The following ADGRG2 variants were observed in gnomAD, a reference collection of about 807,000 sequenced individuals.
The protein encoded by ADGRG2 is adhesion G protein-coupled receptor G2.
Under a neutral mutation model 74.1 loss-of-function variants are expected in ADGRG2, and 26 were observed. That is an observed-to-expected ratio of 0.35 (90% confidence interval 0.26 to 0.49). ADGRG2 has a LOEUF of 0.49. ADGRG2 is among the 20% of genes least tolerant of loss of function. The probability of loss-of-function intolerance (pLI) is 0.99; values close to 1 mark genes in which losing one functional copy is unlikely to be tolerated. For synonymous variants in ADGRG2, 296 were observed against 295.2 expected (o/e 1.00, Z -0.03); for missense variants, 619 against 763.1 (o/e 0.81, Z 2.22).
chrX:19,041,670 G>T (rs190089964), intron 3 of ADGRG2, among the ~76,000 whole-genome samples: 1 of 111,845 alleles, frequency 8.9e-6, no homozygotes, highest in East Asian at 2.8e-4. Flanking sequence ...TAACCCTGCA[G>T]CCAACAAGGC....
rs778761742 is a variant in ADGRG2, at chrX:19,059,340, A to G, written c.118+9377T>C. On this transcript the variant is annotated intron_variant, in intron 3 of 28. Transcript: ENST00000379869. Reference sequence around the variant, plus strand: ...ATTTGGAAATTACCCAAACTGTCCAAGCCAAAAATAAGCACTTTCTGGATC... The same window carrying G: ...ATTTGGAAATTACCCAAACTGTCCAGGCCAAAAATAAGCACTTTCTGGATC... 2.7e-5 allele frequency among the ~76,000 whole-genome samples: 3 copies of G among 112,274 alleles called. No individual in the cohort carries two copies. The South Asian group carries it at 1.1e-3, about 42-fold the overall frequency.
rs771792353 is a variant in ADGRG2 at position 19,068,775 on chromosome X, C to A, written c.60G>T (p.Thr20=). Residue 20 remains threonine (T), a synonymous_variant, in exon 3 of 29, where the codon ACG becomes ACT. Transcript: ENST00000379869. ...HVGRTEEVLL[T]FKIFLVIICL... ...AAATGATGACAAGGAATATCTTGAACGTCAGTAAAACTTCTTCAGTTCTGC... is the reference window on the plus strand; with the variant it reads ...AAATGATGACAAGGAATATCTTGAAAGTCAGTAAAACTTCTTCAGTTCTGC... The A allele has an allele frequency of 5.1e-6, 6 of 1,171,263 alleles. No individual in the cohort carries two copies. The African/African-American group carries it at 8.8e-5, about 17-fold the overall frequency.
chrX:19,019,746 A>G, intron 14 of ADGRG2, 81 bp from the exon 15 acceptor site: 1 of 540,592 alleles, frequency 1.8e-6, no homozygotes, highest in East Asian at 3.3e-5. Context: ...ACCATTAAGT[A>G]TCACGGTTCC....
At chrX:19,086,860 G>A (rs988594835) in intron 1 of ADGRG2, among the ~76,000 whole-genome samples, 8 of 111,506 alleles carry the variant, frequency 7.2e-5, no homozygotes, top group African/African-American at 1.3e-4. Flanking sequence ...AGACTGGCTC[G>A]AAGTTCCTGG....
chrX:19,004,780 G>A lies in ADGRG2; in HGVS notation c.1939C>T (p.Leu647Phe). Residue 647 changes from leucine to phenylalanine, a missense_variant, in exon 23 of 29, where the codon CTT (leucine) becomes TTT (phenylalanine). Transcript: ENST00000379869. ...CACTCAAAAGCTATGTAGGTTACAA[G>A]AGTCACTGACAGAAAAATTGATGAA... ...GLSSIFLSVT[L>F]VTYIAFEKIR... is the part of the protein sequence containing the mutation. 1 of 1,209,468 alleles carries A rather than the reference G, an allele frequency of 8.3e-7. No individual in the cohort carries two copies. The highest frequency in any genetic ancestry group is 2.2e-5 in the Admixed American group (1 of 45,936).
At chrX:19,033,426 C>A in intron 8 of ADGRG2, 187 bp downstream of exon 8, 1 of 342,470 alleles carries the variant, frequency 2.9e-6, no homozygotes, top group Non-Finnish European at 5.2e-6. Context: ...TGTGTCTGAT[C>A]ATTATTATAT....
intron 28 of ADGRG2, among the ~76,000 whole-genome samples, chrX:18,993,033 A>G (rs1247820777): frequency 8.9e-6 from 1 of 112,432 alleles, no homozygotes; most frequent in African/African-American, 3.2e-5. Flanking sequence ...CTGTTTACCT[A>G]CATTGAATCA....
intron 14 of ADGRG2, among the ~76,000 whole-genome samples, chrX:19,019,992 A>AT (rs2060555549): frequency 9.0e-6 from 1 of 111,728 alleles, no homozygotes; most frequent in Non-Finnish European, 1.9e-5. Context: ...AGAAAGACAA[A>AT]TACCGCATGA....
At chrX:19,000,996 A>T (rs911144073) in intron 24 of ADGRG2, among the ~76,000 whole-genome samples, 1 of 110,796 alleles carries the variant, frequency 9.0e-6, no homozygotes, top group Non-Finnish European at 1.9e-5. Context: ...CGGCCTCCCA[A>T]AGTGCTGGGA....
At chrX:19,109,473 A>G (rs1250797758) in intron 1 of ADGRG2, among the ~76,000 whole-genome samples, 7 of 111,595 alleles carry the variant, frequency 6.3e-5, no homozygotes, top group Non-Finnish European at 9.4e-5. Context: ...TTCAGTATAC[A>G]TCTTCCCAAT....
chrX:19,025,209 G>T (rs1223324318), intron 11 of ADGRG2, among the ~76,000 whole-genome samples: 1 of 111,412 alleles, frequency 9.0e-6, no homozygotes, highest in Non-Finnish European at 1.9e-5. Context: ...CAGTGCAGGG[G>T]TTGCACTGTA....
intron 13 of ADGRG2, among the ~76,000 whole-genome samples, chrX:19,022,508 T>C (rs1312187641): frequency 9.0e-6 from 1 of 111,174 alleles, no homozygotes. Context: ...TTCTAGGACT[T>C]TGACTGTCAC....
chrX:19,041,128 A>C (rs1424892670), intron 3 of ADGRG2, among the ~76,000 whole-genome samples: 1 of 111,705 alleles, frequency 9.0e-6, no homozygotes, highest in Non-Finnish European at 1.9e-5. Context: ...CTATATCATC[A>C]AACAATTTTC....
At chrX:19,051,143 C>T (rs1297476966) in intron 3 of ADGRG2, among the ~76,000 whole-genome samples, 1 of 111,986 alleles carries the variant, frequency 8.9e-6, no homozygotes, top group East Asian at 2.8e-4. Context: ...GGCGCGATCT[C>T]GGCTCACTGC....
At chrX:19,007,505 A>G in intron 19 of ADGRG2, 148 bp from the exon 20 acceptor site, 1 of 509,338 alleles carries the variant, frequency 2.0e-6, no homozygotes, top group Admixed American at 3.3e-5. Context: ...TTCCCAAGGG[A>G]TCACAATCAG....
intron 23 of ADGRG2, 79 bp from the exon 24 acceptor site, chrX:19,003,193 C>G: frequency 1.3e-6 from 1 of 740,904 alleles, no homozygotes; most frequent in South Asian, 2.5e-5. Flanking sequence ...AAGATAAGGT[C>G]TGGCTCTGTC....
chrX:19,018,807 T>C (rs7051344), intron 15 of ADGRG2, among the ~76,000 whole-genome samples: 6,555 of 111,971 alleles, frequency 0.059, 467 homozygotes, highest in African/African-American at 0.2. Context: ...ACATATACCA[T>C]AGATATGCAT....
chrX:19,018,882 A>G (rs2060525169), intron 15 of ADGRG2, among the ~76,000 whole-genome samples: 1 of 111,811 alleles, frequency 8.9e-6, no homozygotes. Flanking sequence ...TTGCACTTTC[A>G]CCCAGGCTGG....
intron 1 of ADGRG2, among the ~76,000 whole-genome samples, chrX:19,083,761 C>T (rs1450878013): frequency 1.8e-5 from 2 of 112,004 alleles, no homozygotes; most frequent in Non-Finnish European, 3.8e-5. Flanking sequence ...TGAACCAAAA[C>T]ATTGGTCCAG....
Sources: allele counts gnomAD v4.1 joint callset (sites outside exome capture counted in the v4.1 genomes callset), GRCh38; gene constraint gnomAD v4.1.1; transcripts MANE v1.5; gene names NCBI Gene and HGNC (gene_info 2026-07-23, HGNC 2026-07-21).